Variants in ZHX3 observed in about 807,000 individuals in gnomAD.
ZHX3 encodes zinc fingers and homeoboxes protein 3.
In ZHX3, 20 loss-of-function variants were observed where a neutral mutation model predicts 64.5. The observed-to-expected ratio is 0.31, with a 90% CI of 0.22 to 0.45. ZHX3 has a LOEUF of 0.45. Ranked by LOEUF, ZHX3 falls within the 20% of genes least tolerant of loss-of-function variation. The pLI is 1.00. For synonymous variants in ZHX3, 423 were observed against 461.6 expected, an observed-to-expected ratio of 0.92 and a Z score of 1.07; for missense variants, 1,041 against 1,195.8, an observed-to-expected ratio of 0.87 and a Z score of 1.91.
chr20:41,185,332 GC>G lies in ZHX3; in HGVS notation c.2861-132del. On this transcript the variant is annotated intron_variant, in intron 3 of 3. Transcript: ENST00000683867. This position sits in a 1 kb window ranked among gnomAD's most constrained non-coding sequence, Gnocchi z 5.0. ...CTCTTAATTCCATGAGCAATGAATG[GC>G]CTTCTGCCACCCACTCCCCCACCCT... is the stretch of plus-strand genomic sequence containing the variant. The G allele has an allele frequency of 1.8e-6, 2 of 1,111,228 alleles. No homozygotes were observed. Among genetic ancestry groups the G allele is most frequent in the Non-Finnish European group, 2.5e-6 (2 of 784,916 alleles). 68.8% of individuals were successfully genotyped at this position (1,111,228 alleles called of 1,614,324 possible). A position where few individuals can be genotyped will look rare whatever the true frequency, so the allele number is the denominator to read the frequency against.
At chr20:41,187,753 TG>T (rs2036647923) in intron 3 of ZHX3, among the ~76,000 whole-genome samples, 1 of 152,218 alleles carries the variant, frequency 6.6e-6, no homozygotes, top group Non-Finnish European at 1.5e-5. Flanking sequence ...TGGGGTCCCC[TG>T]AGATTCTATA....
At position 41,189,873 on chromosome 20, in the gene ZHX3, G is replaced by A. The variant is rs370364429; in HGVS notation, c.2861-4672C>T. 2.4e-3 allele frequency among the ~76,000 whole-genome samples: 363 copies of A among 152,250 alleles called. 2 individuals carry two copies. Among genetic ancestry groups the A allele is most frequent in the Non-Finnish European group, 2.9e-3 (195 of 68,020 alleles). On this transcript the variant is annotated intron_variant, in intron 3 of 3. Transcript: ENST00000683867. ...TTCCAGTACTATGCTGAATAGGAGCGGTGAAAGTGGGCATCCTTGTCATGT... is the reference window on the plus strand; with the variant it reads ...TTCCAGTACTATGCTGAATAGGAGCAGTGAAAGTGGGCATCCTTGTCATGT...
intron 1 of ZHX3, among the ~76,000 whole-genome samples, chr20:41,277,576 A>G: frequency 6.7e-6 from 1 of 149,652 alleles, no homozygotes; most frequent in Admixed American, 6.6e-5. Flanking sequence ...CTCTTGCCCT[A>G]CCCTCCATGT....
At chr20:41,299,383 G>A (rs2044700580) in intron 1 of ZHX3, among the ~76,000 whole-genome samples, 1 of 151,968 alleles carries the variant, frequency 6.6e-6, no homozygotes, top group African/African-American at 2.4e-5. Flanking sequence ...TTGCTTTTTT[G>A]CTCTGCTAGG....
intron 1 of ZHX3, among the ~76,000 whole-genome samples, chr20:41,288,803 T>C (rs2044070372): frequency 6.6e-6 from 1 of 152,204 alleles, no homozygotes; most frequent in African/African-American, 2.4e-5. Context: ...ATTTTCATAC[T>C]ATAAGGGTGG....
At chr20:41,227,573 A>G (rs1232195784) in intron 2 of ZHX3, among the ~76,000 whole-genome samples, 7 of 152,210 alleles carry the variant, frequency 4.6e-5, no homozygotes, top group African/African-American at 1.7e-4. Context: ...CAAGATAGTT[A>G]GCATATTTAT....
At chr20:41,269,810 C>T (rs137960725) in intron 1 of ZHX3, among the ~76,000 whole-genome samples, 259 of 151,886 alleles carry the variant, frequency 1.7e-3, no homozygotes, top group African/African-American at 6.1e-3. Context: ...GCATTGTACA[C>T]TAGACTCTAG....
chr20:41,238,992 C>CTTTTTTTT (rs36076017), intron 2 of ZHX3, among the ~76,000 whole-genome samples: 3 of 86,326 alleles, frequency 3.5e-5, no homozygotes, highest in Admixed American at 1.5e-4. Flanking sequence ...TTTTCTCTCT[C>CTTTTTTTT]TTTTTTTTTT....
At chr20:41,214,943 C>A (rs955660475) in intron 2 of ZHX3, among the ~76,000 whole-genome samples, 1 of 152,162 alleles carries the variant, frequency 6.6e-6, no homozygotes, top group African/African-American at 2.4e-5. Context: ...CATCTTGAAA[C>A]CTTCTGCCTT....
intron 2 of ZHX3, among the ~76,000 whole-genome samples, chr20:41,245,043 A>T (rs2041607103): frequency 6.6e-6 from 1 of 152,200 alleles, no homozygotes; most frequent in Non-Finnish European, 1.5e-5. Flanking sequence ...GTAAAAAGAA[A>T]ACAAGGTAAA....
Position 41,183,396 on chromosome 20 carries a change from G to C in ZHX3, c.*1795C>G, listed in dbSNP as rs950925179. ...ACAAGTCCCTGTTTGAGACAAATAA[G>C]ATGTGGTCCCTATTGGGACAGGGAG... On this transcript the variant is annotated 3_prime_UTR_variant, in exon 4 of 4. Transcript: ENST00000683867. The surrounding 1 kb of genome is among the most constrained non-coding windows in gnomAD (Gnocchi z 5.3). 11 of 152,194 alleles carry C rather than the reference G, an allele frequency of 7.2e-5. No individual in the cohort carries two copies. Among genetic ancestry groups the C allele is most frequent in the Non-Finnish European group, 1.2e-4 (8 of 68,038 alleles). The allele number at this position is 152,194 out of a possible 1,614,324, so 9.4% of individuals were successfully genotyped here. A position where few individuals can be genotyped will look rare whatever the true frequency, so the allele number is the denominator to read the frequency against.
chr20:41,256,280 TTAGGGTGTAATA>T (rs1208919501), intron 2 of ZHX3, among the ~76,000 whole-genome samples: 1 of 152,130 alleles, frequency 6.6e-6, no homozygotes, highest in Non-Finnish European at 1.5e-5. Context: ...TGCTATGTTT[TTAGGGTGTAATA>T]CAGTGCCTGG....
intron 2 of ZHX3, among the ~76,000 whole-genome samples, chr20:41,220,413 T>C (rs1475676230): frequency 2.0e-5 from 3 of 152,228 alleles, no homozygotes; most frequent in South Asian, 2.1e-4. Context: ...CTGAATGTGG[T>C]AGATTTCCTA....
intron 1 of ZHX3, among the ~76,000 whole-genome samples, chr20:41,295,471 A>G (rs926900003): frequency 6.6e-5 from 10 of 152,212 alleles, no homozygotes; most frequent in Admixed American, 1.3e-4. Context: ...AAAAAGTAGG[A>G]AAAAAGAAAA....
At chr20:41,291,161 G>A (rs1304328930) in intron 1 of ZHX3, among the ~76,000 whole-genome samples, 1 of 152,178 alleles carries the variant, frequency 6.6e-6, no homozygotes, top group Non-Finnish European at 1.5e-5. Context: ...CCCACACGGA[G>A]CTGAGATGTG....
Position 41,184,196 on chromosome 20 carries a change from G to A in ZHX3, c.*995C>T, listed in dbSNP as rs1252790631. 1 of 152,256 alleles carries A rather than the reference G, an allele frequency of 6.6e-6. No homozygotes were observed. Among genetic ancestry groups the A allele is most frequent in the Non-Finnish European group, 1.5e-5 (1 of 68,084 alleles). 9.4% of individuals were successfully genotyped at this position (152,256 alleles called of 1,614,324 possible). The stretch of plus-strand genomic sequence containing the variant: ...GTGTGTTATTCCTTCCCAAACCATA[G>A]GAGGCTCTGAAATGAGTGTGGAGAA... On this transcript the variant is annotated 3_prime_UTR_variant, in exon 4 of 4. Transcript: ENST00000683867.
chr20:41,279,408 TA>T (rs1434368509), intron 1 of ZHX3, among the ~76,000 whole-genome samples: 1 of 152,100 alleles, frequency 6.6e-6, no homozygotes, highest in African/African-American at 2.4e-5. Context: ...CTTACAACTT[TA>T]AATGCATTTT....
chr20:41,228,071 CCTT>C lies in ZHX3; in HGVS notation c.-150-23008_-150-23006del, dbSNP rs2040380741. Among the ~76,000 whole-genome samples, 1 of 152,118 alleles carries C rather than the reference CCTT, an allele frequency of 6.6e-6. No homozygotes were observed. Among genetic ancestry groups the C allele is most frequent in the Admixed American group, 6.6e-5 (1 of 15,264 alleles). On this transcript the variant is annotated intron_variant, in intron 2 of 3. Transcript: ENST00000683867. This position sits in a 1 kb window ranked among gnomAD's most constrained non-coding sequence, Gnocchi z 4.6. The stretch of plus-strand genomic sequence containing the variant: ...ATCAGTCAAGTGGCTCTTTCCTACT[CCTT>C]CAAGTCTCAAACCACTCAGGACCCA...
At chr20:41,297,084 C>G (rs2044569354) in intron 1 of ZHX3, among the ~76,000 whole-genome samples, 1 of 152,186 alleles carries the variant, frequency 6.6e-6, no homozygotes, top group Admixed American at 6.5e-5. Flanking sequence ...GCCAACTTTT[C>G]CTGTTGGGAC....
Sources: gnomAD v4.1 joint callset for allele counts (sites outside exome capture counted in the v4.1 genomes callset) on GRCh38, gnomAD v4.1.1 for gene constraint, Gnocchi (gnomAD v3.1) non-coding constraint, MANE v1.5 for transcripts, NCBI Gene and HGNC (gene_info 2026-07-23, HGNC 2026-07-21) for gene names.